The following TAF3 variants were observed in gnomAD, a reference collection of about 807,000 sequenced individuals.
TAF3 encodes TATA-box binding protein associated factor 3, also known as transcription initiation factor TFIID subunit 3.
Under a neutral mutation model 80.6 loss-of-function variants are expected in TAF3, and 7 were observed. The ratio of observed to expected loss-of-function variants is 0.09; its 90% CI spans 0.05 to 0.16. The LOEUF is 0.16. TAF3 is among the 10% of genes least tolerant of loss of function. TAF3 has a pLI of 1.00. For synonymous variants in TAF3, 444 were observed against 446.1 expected (o/e 1.00, Z 0.06); for missense variants, 921 against 1,140.2 (o/e 0.81, Z 2.77).
chr10:7,953,731 A>G (rs1291392709), intron 2 of TAF3, among the ~76,000 whole-genome samples: 1 of 152,254 alleles, frequency 6.6e-6, no homozygotes, highest in Non-Finnish European at 1.5e-5. Flanking sequence ...TTGTAGTCCT[A>G]GTTAACACAG....
intron 2 of TAF3, among the ~76,000 whole-genome samples, chr10:7,943,077 A>G (rs983641950): frequency 6.6e-6 from 1 of 152,156 alleles, no homozygotes; most frequent in African/African-American, 2.4e-5. Flanking sequence ...GTCTGTCCTT[A>G]CTTAGCAGCG....
At chr10:7,923,728 G>A (rs1837788939) in intron 2 of TAF3, among the ~76,000 whole-genome samples, 1 of 151,802 alleles carries the variant, frequency 6.6e-6, no homozygotes, top group Non-Finnish European at 1.5e-5. Flanking sequence ...AAAAAAAAAG[G>A]ACTCCCCCAA....
At chr10:7,996,863 T>G (rs1831895147) in intron 4 of TAF3, among the ~76,000 whole-genome samples, 1 of 150,536 alleles carries the variant, frequency 6.6e-6, no homozygotes, top group African/African-American at 2.5e-5. Flanking sequence ...TTTTTTGTAT[T>G]TTTGTATTTT....
chr10:7,873,954 G>A (rs983444419), intron 2 of TAF3, among the ~76,000 whole-genome samples: 1 of 152,120 alleles, frequency 6.6e-6, no homozygotes. Context: ...GTTTCCCCTC[G>A]AGAGGCCATT....
chr10:7,894,387 G>T (rs1459944623), intron 2 of TAF3, among the ~76,000 whole-genome samples: 5 of 152,172 alleles, frequency 3.3e-5, no homozygotes, highest in African/African-American at 1.2e-4. Flanking sequence ...CTCGTTGCCT[G>T]CATTACGTCT....
At position 7,965,297 on chromosome 10, in the gene TAF3, A is replaced by G; in HGVS notation, c.1787A>G (p.Glu596Gly). 6.2e-7 allele frequency: 1 copy of G among 1,607,048 alleles called. No individual in the cohort carries two copies. Among genetic ancestry groups the G allele is most frequent in the Non-Finnish European group, 8.5e-7 (1 of 1,178,410 alleles). Residue 596 changes from glutamate (E) to glycine (G), a missense_variant, in exon 3 of 7, where the codon GAA becomes GGA. By Grantham distance (98) the Glu-to-Gly change is moderately conservative. Coordinates refer to ENST00000344293, the MANE Select transcript of TAF3 (RefSeq NM_031923.4). ...TACAAGTTTAAAATCAAAGAATTTG[A>G]AGATGTTGATCCCAAAGTGAAATTG... ...DPYKFKIKEF[E>G]DVDPKVKLKD...
intron 2 of TAF3, among the ~76,000 whole-genome samples, chr10:7,917,603 T>G (rs1837723099): frequency 6.6e-6 from 1 of 152,186 alleles, no homozygotes; most frequent in Non-Finnish European, 1.5e-5. Flanking sequence ...AATTTCTCTT[T>G]TAACAAGTGC....
intron 2 of TAF3, among the ~76,000 whole-genome samples, chr10:7,858,617 T>C (rs1288342872): frequency 6.6e-6 from 1 of 152,232 alleles, no homozygotes; most frequent in African/African-American, 2.4e-5. Flanking sequence ...TCAGTCTTTT[T>C]GTGTGTTCTG....
chr10:7,927,104 C>T (rs545039494), intron 2 of TAF3, among the ~76,000 whole-genome samples: 1 of 152,170 alleles, frequency 6.6e-6, no homozygotes, highest in South Asian at 2.1e-4. Context: ...CTGGTCATGC[C>T]CAAGTATTGT....
intron 6 of TAF3, 96 bp from the exon 7 acceptor site, chr10:8,014,541 A>G (rs1038601084): frequency 9.3e-7 from 1 of 1,070,252 alleles, no homozygotes. Flanking sequence ...TCGGGTAAAC[A>G]TGTCATAGAC....
intron 2 of TAF3, among the ~76,000 whole-genome samples, chr10:7,937,889 G>A (rs1454069630): frequency 6.6e-6 from 1 of 152,128 alleles, no homozygotes; most frequent in East Asian, 1.9e-4. Flanking sequence ...AATAAGGTAC[G>A]CAAGGTTGCA....
intron 2 of TAF3, among the ~76,000 whole-genome samples, chr10:7,832,274 A>G (rs934713548): frequency 6.6e-6 from 1 of 152,134 alleles, no homozygotes; most frequent in Non-Finnish European, 1.5e-5. Flanking sequence ...TCGTCCACAT[A>G]TAAGTGAGAA....
chr10:8,014,383 G>T (rs571096651), intron 6 of TAF3, among the ~76,000 whole-genome samples: 1 of 152,316 alleles, frequency 6.6e-6, no homozygotes, highest in Non-Finnish European at 1.5e-5. Flanking sequence ...AGACAAAGCC[G>T]TGGCTCGGAA....
intron 2 of TAF3, among the ~76,000 whole-genome samples, chr10:7,898,319 G>A (rs1177516600): frequency 1.3e-5 from 2 of 152,070 alleles, no homozygotes; most frequent in Admixed American, 6.5e-5. Context: ...GGCCAAGGTG[G>A]GTGGATCACC....
chr10:7,862,740 T>C (rs1349864572), intron 2 of TAF3, among the ~76,000 whole-genome samples: 3 of 152,238 alleles, frequency 2.0e-5, no homozygotes, highest in Non-Finnish European at 2.9e-5. Context: ...TGTAGATTAT[T>C]TTGCATTTTT....
chr10:7,903,832 A>C (rs1316914839), intron 2 of TAF3, among the ~76,000 whole-genome samples: 2 of 152,160 alleles, frequency 1.3e-5, no homozygotes, highest in Non-Finnish European at 2.9e-5. Flanking sequence ...AATGACTGGG[A>C]TATAGATCCT....
intron 2 of TAF3, among the ~76,000 whole-genome samples, chr10:7,830,473 C>CT (rs1176707860): frequency 0.3 from 16,986 of 57,246 alleles, 6,831 homozygotes; most frequent in Non-Finnish European, 0.36. Context: ...CTTTACATGT[C>CT]TTTTTTTTTT....
At chr10:8,014,272 C>T (rs549116384) in intron 6 of TAF3, among the ~76,000 whole-genome samples, 2 of 152,230 alleles carry the variant, frequency 1.3e-5, no homozygotes, top group East Asian at 1.9e-4. Flanking sequence ...CTGAAAAGCT[C>T]AACCAGAATT....
intron 2 of TAF3, among the ~76,000 whole-genome samples, chr10:7,830,552 C>G (rs182233305): frequency 3.3e-5 from 4 of 122,526 alleles, no homozygotes; most frequent in African/African-American, 1.2e-4. Context: ...GGCGCAATCT[C>G]GGCTCACTGC....
Sources: gnomAD v4.1 joint callset for allele counts (sites outside exome capture counted in the v4.1 genomes callset) on GRCh38, gnomAD v4.1.1 for gene constraint, MANE v1.5 for transcripts, NCBI Gene and HGNC (gene_info 2026-07-23, HGNC 2026-07-21) for gene names.